The following SPAG16 variants were observed in gnomAD, a reference collection of about 807,000 sequenced individuals.
The protein encoded by SPAG16 is sperm-associated antigen 16 protein.
SPAG16 carries 86 observed loss-of-function variants against 80.4 expected under a neutral mutation model. That is an observed-to-expected ratio of 1.07 (90% confidence interval 0.90 to 1.28). The LOEUF is 1.28. Among genes scored for constraint, SPAG16 ranks in the 50% most tolerant of loss-of-function variants. The pLI is 0.00. For synonymous variants in SPAG16, 294 were observed against 265.9 expected (o/e 1.11, Z -1.03); for missense variants, 870 against 765.3 (o/e 1.14, Z -1.61).
At chr2:213,494,642 AAT>A (rs1434010943) in intron 10 of SPAG16, among the ~76,000 whole-genome samples, 3 of 152,214 alleles carry the variant, frequency 2.0e-5, no homozygotes, top group Non-Finnish European at 2.9e-5. Flanking sequence ...CTGGTGTCAC[AAT>A]AGCCAAACAT....
chr2:213,469,910 C>T (rs1024166211), intron 9 of SPAG16, among the ~76,000 whole-genome samples: 1 of 152,058 alleles, frequency 6.6e-6, no homozygotes, highest in Non-Finnish European at 1.5e-5. Context: ...TTTAATGAAT[C>T]ATTGTTGTGT....
chr2:213,654,364 T>C (rs2063134968), intron 10 of SPAG16, among the ~76,000 whole-genome samples: 3 of 151,802 alleles, frequency 2.0e-5, no homozygotes, highest in South Asian at 2.1e-4. Flanking sequence ...TTTGTTTGTT[T>C]GTTTGTTTGT....
intron 10 of SPAG16, among the ~76,000 whole-genome samples, chr2:213,776,000 A>G (rs1051578832): frequency 2.0e-5 from 3 of 152,262 alleles, no homozygotes; most frequent in Admixed American, 2.0e-4. Context: ...CCACATTGGC[A>G]TAAATGTAAA....
intron 10 of SPAG16, among the ~76,000 whole-genome samples, chr2:213,857,061 C>G (rs1427165293): frequency 6.6e-6 from 1 of 152,108 alleles, no homozygotes; most frequent in Non-Finnish European, 1.5e-5. Flanking sequence ...GAAACCCTAT[C>G]TCTATCAAAA....
chr2:214,402,203 C>T (rs1245549284), intron 15 of SPAG16, among the ~76,000 whole-genome samples: 1 of 151,966 alleles, frequency 6.6e-6, no homozygotes, highest in Non-Finnish European at 1.5e-5. Context: ...ACATAGGGTG[C>T]TCCATTACAA....
chr2:213,702,682 G>C (rs1302107059), intron 10 of SPAG16, among the ~76,000 whole-genome samples: 1 of 152,122 alleles, frequency 6.6e-6, no homozygotes, highest in South Asian at 2.1e-4. Flanking sequence ...ATGACACATA[G>C]AAGCTGAGAC....
At chr2:213,350,477 C>G (rs772834409) in intron 6 of SPAG16, 51 bp from the exon 7 acceptor site, 3 of 932,404 alleles carry the variant, frequency 3.2e-6, no homozygotes, top group African/African-American at 3.4e-5. Flanking sequence ...ATGGAAATTA[C>G]TGATTTAACT....
At chr2:213,827,525 T>C (rs2073376494) in intron 10 of SPAG16, among the ~76,000 whole-genome samples, 1 of 152,130 alleles carries the variant, frequency 6.6e-6, no homozygotes, top group Non-Finnish European at 1.5e-5. Flanking sequence ...TTCATTTTTC[T>C]GTTTTTCTAC....
At chr2:214,095,273 T>C (rs947470927) in intron 13 of SPAG16, among the ~76,000 whole-genome samples, 1 of 151,978 alleles carries the variant, frequency 6.6e-6, no homozygotes, top group African/African-American at 2.4e-5. Context: ...CCCTAGCTCA[T>C]CACATATAAC....
At chr2:213,859,923 A>G (rs1341782547) in intron 10 of SPAG16, among the ~76,000 whole-genome samples, 1 of 152,208 alleles carries the variant, frequency 6.6e-6, no homozygotes, top group Non-Finnish European at 1.5e-5. Context: ...CACTTGTGAG[A>G]ACTAAGCATT....
At chr2:213,472,889 A>G (rs543619924) in intron 9 of SPAG16, among the ~76,000 whole-genome samples, 25 of 152,340 alleles carry the variant, frequency 1.6e-4, no homozygotes, top group African/African-American at 5.8e-4. Context: ...CAGTTACCCT[A>G]GTAAAATGCT....
chr2:213,707,336 A>G (rs1224039522), intron 10 of SPAG16, among the ~76,000 whole-genome samples: 3 of 152,168 alleles, frequency 2.0e-5, no homozygotes, highest in African/African-American at 7.2e-5. Context: ...AATGCACTAC[A>G]CTGTTTTCAC....
At chr2:213,412,985 A>G (rs1177503195) in intron 9 of SPAG16, among the ~76,000 whole-genome samples, 11 of 152,216 alleles carry the variant, frequency 7.2e-5, no homozygotes, top group Non-Finnish European at 1.5e-4. Flanking sequence ...CTGGATCTAC[A>G]TACTATGTAT....
chr2:213,609,076 C>A (rs1048906162), intron 10 of SPAG16, among the ~76,000 whole-genome samples: 1 of 152,198 alleles, frequency 6.6e-6, no homozygotes, highest in Non-Finnish European at 1.5e-5. Context: ...TTACATAAGT[C>A]ATTTTGCAGA....
chr2:214,306,846 T>G (rs903297608), intron 15 of SPAG16, among the ~76,000 whole-genome samples: 1 of 152,022 alleles, frequency 6.6e-6, no homozygotes, highest in African/African-American at 2.4e-5. Context: ...TTTTGTTTTG[T>G]TTTTGTTATT....
chr2:213,595,067 G>A (rs1448317659), intron 10 of SPAG16, among the ~76,000 whole-genome samples: 1 of 151,450 alleles, frequency 6.6e-6, no homozygotes, highest in East Asian at 1.9e-4. Flanking sequence ...TGTAACCGTA[G>A]CATTCAATAG....
chr2:214,315,018 G>A (rs1291427592), intron 15 of SPAG16, among the ~76,000 whole-genome samples: 4 of 151,560 alleles, frequency 2.6e-5, no homozygotes, highest in East Asian at 1.9e-4. Context: ...ATAATTGCAC[G>A]GATGAATGCT....
In SPAG16 at chr2:213,768,171, C is replaced by G. The variant is rs2069044139; in HGVS notation, c.1071-94314C>G. On this transcript the variant is annotated intron_variant, in intron 10 of 15. Transcript: ENST00000331683. ...GTAAAGGTGTACTCTGGGGTCTAAA[C>G]AGATTTTAATATGGTTTGAGCATAA... Among the ~76,000 whole-genome samples the G allele has an allele frequency of 2.6e-5, 4 of 152,142 alleles. No individual in the cohort carries two copies. In the South Asian group the frequency reaches 8.3e-4, roughly 32 times the overall value.
At chr2:214,045,423 A>G (rs1490748718) in intron 13 of SPAG16, among the ~76,000 whole-genome samples, 1 of 151,878 alleles carries the variant, frequency 6.6e-6, no homozygotes, top group African/African-American at 2.4e-5. Context: ...CTTGGATGAC[A>G]CCCTGAGACT....
Sources: gnomAD v4.1 joint callset for allele counts (sites outside exome capture counted in the v4.1 genomes callset) on GRCh38, gnomAD v4.1.1 for gene constraint, MANE v1.5 for transcripts, NCBI Gene and HGNC (gene_info 2026-07-23, HGNC 2026-07-21) for gene names.